The following SERPINB13 variants were observed in gnomAD, a reference collection of about 807,000 sequenced individuals.
SERPINB13 encodes serpin B13.
SERPINB13 carries 26 observed loss-of-function variants against 31.2 expected under a neutral mutation model. The ratio of observed to expected loss-of-function variants is 0.83; its 90% CI spans 0.61 to 1.15. SERPINB13 has a LOEUF of 1.15. SERPINB13 is among the 50% of genes most tolerant of loss of function. SERPINB13 has a pLI of 0.00. For missense variants in SERPINB13, 510 were observed against 469.4 expected (o/e 1.09, Z -0.80); for synonymous variants, 191 against 172.4 (o/e 1.11, Z -0.85).
At chr18:63,591,408 TTTCCTTCCTTCC>T (rs796398994) in intron 3 of SERPINB13, among the ~76,000 whole-genome samples, 7 of 118,640 alleles carry the variant, frequency 5.9e-5, no homozygotes, top group African/African-American at 1.3e-4. Flanking sequence ...TCCTTTTTTC[TTTCCTTCCTTCC>T]TTCCTTCCTT....
chr18:63,592,582 T>A lies in SERPINB13; in HGVS notation c.354+106T>A, dbSNP rs915185187. 12 of 1,151,108 alleles carry A rather than the reference T, an allele frequency of 1.0e-5. No individual in the cohort carries two copies. The African/African-American group carries it at 1.9e-4, about 18-fold the overall frequency. 71.3% of individuals were successfully genotyped at this position (1,151,108 alleles called of 1,614,324 possible). A position where few individuals can be genotyped will look rare whatever the true frequency, so the allele number is the denominator to read the frequency against. On this transcript the variant is annotated intron_variant, in intron 4 of 7. Coordinates refer to ENST00000344731, the MANE Select transcript of SERPINB13 (RefSeq NM_012397.4). ...GTCGTGCTGCCTGGCTCTGGCCACA[T>A]CCCTGTGGTGCTTTTCCATCCTGAT...
At position 63,592,869 on chromosome 18, in the gene SERPINB13, G is replaced by A. The variant is rs1911936196; in HGVS notation, c.370G>A (p.Val124Ile). 1 of 1,595,364 alleles carries A rather than the reference G, an allele frequency of 6.3e-7. No individual in the cohort carries two copies. Among genetic ancestry groups the A allele is most frequent in the Non-Finnish European group, 8.5e-7 (1 of 1,169,594 alleles). The change falls in exon 5 of 8, where the codon GTT (valine) becomes ATT (isoleucine). Residue 124 changes from valine (V) to isoleucine (I), a missense_variant. Transcript: ENST00000344731. ...YLFLQKYLDY[V>I]EKYYHASLEP... is the part of the protein sequence containing the mutation. ...TCTCCTAAAGAAATACTTAGATTAT[G>A]TTGAAAAATATTATCATGCATCTCT...
chr18:63,597,394 A>G lies in SERPINB13; in HGVS notation c.*31A>G. 1 of 1,573,242 alleles carries G rather than the reference A, an allele frequency of 6.4e-7. No homozygotes were observed. Among genetic ancestry groups the G allele is most frequent in the Non-Finnish European group, 8.6e-7 (1 of 1,157,830 alleles). ...TCGTTGCCATGGCATTGCTGCTTTT[A>G]GCAAAAAACAACTACCAGTGTTACT... On this transcript the variant is annotated 3_prime_UTR_variant, in exon 8 of 8. Transcript: ENST00000344731.
In SERPINB13 at chr18:63,598,814, T is replaced by C. The variant is rs888231667; in HGVS notation, c.*1451T>C. ...CTGGGCCATATGAAAAATCAATAGT[T>C]AGCTTTGTAAGAAACAGTCAAACTG... On this transcript the variant is annotated 3_prime_UTR_variant, in exon 8 of 8. Coordinates refer to ENST00000344731, the MANE Select transcript of SERPINB13 (RefSeq NM_012397.4). The C allele has an allele frequency of 6.6e-6, 1 of 152,212 alleles. No homozygotes were observed. Among genetic ancestry groups the C allele is most frequent in the Admixed American group, 6.5e-5 (1 of 15,286 alleles). 9.4% of individuals were successfully genotyped at this position (152,212 alleles called of 1,614,324 possible). A position where few individuals can be genotyped will look rare whatever the true frequency, so the allele number is the denominator to read the frequency against.
At chr18:63,590,915 G>T (rs1911812186) in intron 3 of SERPINB13, among the ~76,000 whole-genome samples, 2 of 152,172 alleles carry the variant, frequency 1.3e-5, no homozygotes, top group African/African-American at 4.8e-5. Context: ...TTTGCCCAGA[G>T]ACTGGCTTGG....
Position 63,597,063 on chromosome 18 carries a change from C to G in SERPINB13, c.876C>G (p.Asp292Glu), listed in dbSNP as rs778123816. ...NLHLPRFEVE[D>E]GYDLEAVLAA... Reference sequence around the variant, plus strand: ...ACTTGCCCCGGTTTGAGGTGGAGGACGGTTACGATCTAGAGGCGGTCCTGG... The same window carrying G: ...ACTTGCCCCGGTTTGAGGTGGAGGAGGGTTACGATCTAGAGGCGGTCCTGG... The change falls in exon 8 of 8, where the codon GAC becomes GAG. Residue 292 changes from aspartate to glutamate, a missense_variant. Coordinates refer to ENST00000344731, the MANE Select transcript of SERPINB13 (RefSeq NM_012397.4). 1.9e-6 allele frequency: 3 copies of G among 1,614,114 alleles called. No individual in the cohort carries two copies. The highest frequency in any genetic ancestry group is 4.5e-5 in the East Asian group (2 of 44,884).
rs373643835 is a variant in SERPINB13 at position 63,595,190 on chromosome 18, C to A, written c.771+6C>A. The A allele has an allele frequency of 1.2e-6, 2 of 1,604,652 alleles. No homozygotes were observed. Among genetic ancestry groups the A allele is most frequent in the African/African-American group, 1.3e-5 (1 of 74,304 alleles). On this transcript the variant is annotated splice_donor_region_variant and intron_variant, in intron 7 of 7. Coordinates refer to ENST00000344731, the MANE Select transcript of SERPINB13 (RefSeq NM_012397.4). ...ACATCGATGGCCTGGAGAAGGTAAA[C>A]GCTTACACCTCCTTATTCTTTCTTT...
chr18:63,597,247 A>G lies in SERPINB13; in HGVS notation c.1060A>G (p.Thr354Ala), dbSNP rs1912235789. 3.1e-6 allele frequency: 5 copies of G among 1,614,244 alleles called. No individual in the cohort carries two copies. In the East Asian group the frequency reaches 1.1e-4, roughly 36 times the overall value. The change falls in exon 8 of 8, where the codon ACT (threonine) becomes GCT (alanine). Residue 354 changes from threonine to alanine, a missense_variant. By Grantham distance (58) the Thr-to-Ala change is moderately conservative. Transcript: ENST00000344731. Reference sequence around the variant, plus strand: ...TGCAGCTGCCACCGGCATAGGCTTTACTGTCACATCCGCCCCAGGTCATGA... The same window carrying G: ...TGCAGCTGCCACCGGCATAGGCTTTGCTGTCACATCCGCCCCAGGTCATGA... Reference protein sequence around the residue: ...EAAAATGIGFTVTSAPGHENV... With the variant: ...EAAAATGIGFAVTSAPGHENV...
At chr18:63,592,508 T>A (rs1282083542) in intron 4 of SERPINB13, 32 bp downstream of exon 4, 1 of 1,606,392 alleles carries the variant, frequency 6.2e-7, no homozygotes, top group South Asian at 1.1e-5. Flanking sequence ...TATCTGTGAG[T>A]GGTATTCTGG....
chr18:63,597,549 T>A lies in SERPINB13; in HGVS notation c.*186T>A. 1 of 640,140 alleles carries A rather than the reference T, an allele frequency of 1.6e-6. No homozygotes were observed. The highest frequency in any genetic ancestry group is 2.6e-6 in the Non-Finnish European group (1 of 384,738). The allele number at this position is 640,140 out of a possible 1,614,324, so 39.7% of individuals were successfully genotyped here. A position where few individuals can be genotyped will look rare whatever the true frequency, so the allele number is the denominator to read the frequency against. ...TATAACCATCCTCGAAAGTGAAATG[T>A]CCTTTTCTTTGTGCCATGCGTAAGG... On this transcript the variant is annotated 3_prime_UTR_variant, in exon 8 of 8. Coordinates refer to ENST00000344731, the MANE Select transcript of SERPINB13 (RefSeq NM_012397.4).
chr18:63,597,073 C>T lies in SERPINB13; in HGVS notation c.886C>T (p.Leu296=), dbSNP rs1024978398. Residue 296 remains leucine, a synonymous_variant, in exon 8 of 8, where the codon CTA becomes TTA. Coordinates refer to ENST00000344731, the MANE Select transcript of SERPINB13 (RefSeq NM_012397.4). ...GTTTGAGGTGGAGGACGGTTACGAT[C>T]TAGAGGCGGTCCTGGCTGCCATGGG... ...PRFEVEDGYD[L]EAVLAAMGMG... 2 of 1,614,058 alleles carry T rather than the reference C, an allele frequency of 1.2e-6. No homozygotes were observed. The highest frequency in any genetic ancestry group is 2.7e-5 in the African/African-American group (2 of 74,926).
chr18:63,587,488 A>G (rs200742838), intron 1 of SERPINB13, 38 bp downstream of exon 1: 62 of 466,190 alleles, frequency 1.3e-4, no homozygotes, highest in Non-Finnish European at 8.4e-5. Flanking sequence ...AGACCTCTGT[A>G]TTTTGAGAAC....
intron 2 of SERPINB13, among the ~76,000 whole-genome samples, 184 bp from the exon 3 acceptor site, chr18:63,589,472 C>G (rs199884025): frequency 1.3e-5 from 1 of 79,112 alleles, no homozygotes; most frequent in Non-Finnish European, 3.8e-5. Flanking sequence ...CACACACACA[C>G]ACACACACAC....
At chr18:63,594,217 C>T (rs1379555597) in intron 5 of SERPINB13, 138 bp from the exon 6 acceptor site, 2 of 1,543,366 alleles carry the variant, frequency 1.3e-6, no homozygotes, top group Non-Finnish European at 1.8e-6. Flanking sequence ...GCCAGCAAAC[C>T]CTTTGTCAGC....
At chr18:63,593,064 C>A (rs1017982654) in intron 5 of SERPINB13, 93 bp downstream of exon 5, 25 of 810,782 alleles carry the variant, frequency 3.1e-5, no homozygotes, top group African/African-American at 5.2e-5. Context: ...GTGAATGAAG[C>A]CCTGGACTTG....
intron 1 of SERPINB13, 54 bp from the exon 2 acceptor site, chr18:63,588,597 C>T: frequency 6.5e-7 from 1 of 1,543,614 alleles, no homozygotes; most frequent in Non-Finnish European, 8.9e-7. Flanking sequence ...AAGGATTCCC[C>T]TGACACAGAG....
intron 5 of SERPINB13, among the ~76,000 whole-genome samples, chr18:63,593,533 G>A (rs1911980684): frequency 6.6e-6 from 1 of 152,154 alleles, no homozygotes; most frequent in Admixed American, 6.5e-5. Flanking sequence ...CACAGCAGAG[G>A]ATTTGACAAG....
At position 63,594,383 on chromosome 18, in the gene SERPINB13, C is replaced by A; in HGVS notation, c.501C>A (p.Gly167=). 6.2e-7 allele frequency: 1 copy of A among 1,614,094 alleles called. No homozygotes were observed. The highest frequency in any genetic ancestry group is 8.5e-7 in the Non-Finnish European group (1 of 1,180,002). The change falls in exon 6 of 8, where the codon GGC becomes GGA. Residue 167 remains glycine, a synonymous_variant. Coordinates refer to ENST00000344731, the MANE Select transcript of SERPINB13 (RefSeq NM_012397.4). The part of the protein sequence containing the change: ...NEKIKDLFPD[G]SISSSTKLVL... ...AAATCAAGGACTTGTTCCCAGATGG[C>A]TCTATTAGTAGCTCTACCAAGCTGG...
chr18:63,594,043 C>T (rs766310282), intron 5 of SERPINB13: 5 of 694,700 alleles, frequency 7.2e-6, no homozygotes, highest in Middle Eastern at 2.7e-4. Flanking sequence ...AACTGAGGCA[C>T]AGAGAGTTTA....
Sources: allele counts gnomAD v4.1 joint callset (sites outside exome capture counted in the v4.1 genomes callset), GRCh38; gene constraint gnomAD v4.1.1; transcripts MANE v1.5; gene names NCBI Gene and HGNC (gene_info 2026-07-23, HGNC 2026-07-21).